The following ASIC2 variants were observed in gnomAD, a reference collection of about 807,000 sequenced individuals.
ASIC2 encodes acid sensing ion channel subunit 2, also known as acid-sensing ion channel 2.
ASIC2 carries 25 observed loss-of-function variants against 57.3 expected under a neutral mutation model. The ratio of observed to expected loss-of-function variants is 0.44; its 90% CI spans 0.32 to 0.61. ASIC2 has a LOEUF of 0.61. Among genes scored for constraint, ASIC2 ranks in the 20% least tolerant of loss-of-function variants. ASIC2 has a pLI of 0.06. For missense variants in ASIC2, 641 were observed against 738.1 expected (o/e 0.87, Z 1.52); for synonymous variants, 319 against 307.5 (o/e 1.04, Z -0.39).
intron 1 of ASIC2, chr17:33,834,212 A>G (rs775619930): frequency 6.6e-6 from 1 of 150,652 alleles, no homozygotes. Flanking sequence ...TCAGATGTCA[A>G]TCATTATCTT....
At chr17:33,583,327 T>G (rs1727389603) in intron 1 of ASIC2, among the ~76,000 whole-genome samples, 1 of 151,272 alleles carries the variant, frequency 6.6e-6, no homozygotes, top group South Asian at 2.1e-4. Flanking sequence ...TGTCAGTCAC[T>G]TGCCCTGCCT....
intron 1 of ASIC2, among the ~76,000 whole-genome samples, chr17:33,678,295 C>T (rs1226749854): frequency 6.6e-6 from 1 of 152,066 alleles, no homozygotes; most frequent in Non-Finnish European, 1.5e-5. Flanking sequence ...TTGTGTGACT[C>T]ACTTTATATT....
chr17:33,215,739 G>T (rs1261333007), intron 1 of ASIC2, among the ~76,000 whole-genome samples: 1 of 147,068 alleles, frequency 6.8e-6, no homozygotes, highest in Non-Finnish European at 1.5e-5. Flanking sequence ...TCTCGCTGTC[G>T]CCCAGGCTGG....
At chr17:33,371,399 C>A (rs1223595040) in intron 1 of ASIC2, among the ~76,000 whole-genome samples, 1 of 152,222 alleles carries the variant, frequency 6.6e-6, no homozygotes, top group Non-Finnish European at 1.5e-5. Flanking sequence ...TTGCTGAAAG[C>A]AAGAGGCTCA....
intron 1 of ASIC2, among the ~76,000 whole-genome samples, chr17:33,682,915 C>T (rs1908054482): frequency 6.6e-6 from 1 of 152,194 alleles, no homozygotes; most frequent in African/African-American, 2.4e-5. Context: ...TCAACATCTG[C>T]CCACAGCTCC....
At chr17:33,396,862 G>A (rs760863746) in intron 1 of ASIC2, among the ~76,000 whole-genome samples, 2 of 152,190 alleles carry the variant, frequency 1.3e-5, no homozygotes, top group Non-Finnish European at 1.5e-5. Flanking sequence ...GCCATTAGCT[G>A]TTCATTTCCT....
intron 1 of ASIC2, among the ~76,000 whole-genome samples, chr17:33,928,137 A>G (rs1342006761): frequency 1.3e-5 from 2 of 152,196 alleles, no homozygotes; most frequent in African/African-American, 4.8e-5. Flanking sequence ...GCCAACTGGA[A>G]AAAAACCACA....
chr17:34,106,131 T>G (rs1911042635), intron 1 of ASIC2, among the ~76,000 whole-genome samples: 1 of 152,056 alleles, frequency 6.6e-6, no homozygotes, highest in South Asian at 2.1e-4. Context: ...TAATAGAAAG[T>G]TATTCATTTT....
chr17:33,466,775 A>G (rs1468571179), intron 1 of ASIC2, among the ~76,000 whole-genome samples: 1 of 152,196 alleles, frequency 6.6e-6, no homozygotes, highest in African/African-American at 2.4e-5. Context: ...AATGGTTCTG[A>G]GAAAAGGCTA....
intron 1 of ASIC2, among the ~76,000 whole-genome samples, chr17:33,978,635 C>A (rs1337646653): frequency 6.6e-6 from 1 of 152,144 alleles, no homozygotes; most frequent in South Asian, 2.1e-4. Flanking sequence ...TCTGACACCA[C>A]CTGTGTCAAA....
At chr17:33,579,184 G>A (rs1283067693) in intron 1 of ASIC2, among the ~76,000 whole-genome samples, 2 of 151,578 alleles carry the variant, frequency 1.3e-5, no homozygotes, top group Non-Finnish European at 2.9e-5. Context: ...TACTTGAGAG[G>A]CTGAGGCAGG....
At chr17:33,964,349 T>C (rs1447879432) in intron 1 of ASIC2, among the ~76,000 whole-genome samples, 1 of 152,196 alleles carries the variant, frequency 6.6e-6, no homozygotes, top group East Asian at 1.9e-4. Flanking sequence ...CAAGTTTAGA[T>C]AGTTGGTGAA....
At chr17:33,724,645 A>G (rs377759344) in intron 1 of ASIC2, among the ~76,000 whole-genome samples, 6 of 152,350 alleles carry the variant, frequency 3.9e-5, no homozygotes, top group Middle Eastern at 3.4e-3. Context: ...AGAATGCAGC[A>G]GCCAATTACT....
chr17:34,031,176 C>T (rs1399605240), intron 1 of ASIC2, among the ~76,000 whole-genome samples: 1 of 152,194 alleles, frequency 6.6e-6, no homozygotes, highest in African/African-American at 2.4e-5. Flanking sequence ...TCCAGAGGAA[C>T]GATCAGGCAG....
At chr17:33,155,011 G>A (rs1387679978) in intron 1 of ASIC2, among the ~76,000 whole-genome samples, 3 of 152,194 alleles carry the variant, frequency 2.0e-5, no homozygotes, top group Admixed American at 2.0e-4. Context: ...CTGCGCCGCG[G>A]TGCTGAGTTG....
intron 1 of ASIC2, among the ~76,000 whole-genome samples, chr17:33,672,911 C>T (rs1174029243): frequency 6.6e-6 from 1 of 152,122 alleles, no homozygotes; most frequent in Non-Finnish European, 1.5e-5. Context: ...TGGAAATAGC[C>T]ATAATATCAA....
At chr17:33,095,284 C>T (rs2141971417) in intron 2 of ASIC2, among the ~76,000 whole-genome samples, 1 of 152,228 alleles carries the variant, frequency 6.6e-6, no homozygotes, top group Non-Finnish European at 1.5e-5. Context: ...ATTTGGTTAC[C>T]CTCTGCCCAC....
intron 1 of ASIC2, among the ~76,000 whole-genome samples, chr17:33,452,078 C>G (rs1042604976): frequency 6.6e-6 from 1 of 152,206 alleles, no homozygotes. Flanking sequence ...GAAATGAAAA[C>G]TTGGAATACC....
chr17:33,593,138 A>G (rs1370855704), intron 1 of ASIC2, among the ~76,000 whole-genome samples: 1 of 152,210 alleles, frequency 6.6e-6, no homozygotes, highest in East Asian at 1.9e-4. Flanking sequence ...AGGATATACA[A>G]AGGACCTGAG....
Sources: gnomAD v4.1 joint callset for allele counts (sites outside exome capture counted in the v4.1 genomes callset) on GRCh38, gnomAD v4.1.1 for gene constraint, MANE v1.5 for transcripts, NCBI Gene and HGNC (gene_info 2026-07-23, HGNC 2026-07-21) for gene names.